JAKMIP2: variants seen among roughly 807,000 people sequenced by gnomAD.
JAKMIP2 encodes janus kinase and microtubule interacting protein 2, also known as janus kinase and microtubule-interacting protein 2.
JAKMIP2 carries 25 observed loss-of-function variants against 115.0 expected under a neutral mutation model. The ratio of observed to expected loss-of-function variants is 0.22; its 90% CI spans 0.16 to 0.30. JAKMIP2 has a LOEUF of 0.30. Among genes scored for constraint, JAKMIP2 ranks in the 10% least tolerant of loss-of-function variants. The pLI is 1.00. For synonymous variants in JAKMIP2, 334 were observed against 343.6 expected (o/e 0.97, Z 0.31); for missense variants, 642 against 957.6 (o/e 0.67, Z 4.35).
At chr5:147,628,615 T>C in intron 16 of JAKMIP2, 136 bp downstream of exon 16, 2 of 576,774 alleles carry the variant, frequency 3.5e-6, no homozygotes, top group South Asian at 3.3e-5. Flanking sequence ...TGGGTTGTAC[T>C]ACCCTTAAAA....
intron 1 of JAKMIP2, among the ~76,000 whole-genome samples, chr5:147,781,732 A>G (rs1755764087): frequency 6.6e-6 from 1 of 152,222 alleles, no homozygotes; most frequent in African/African-American, 2.4e-5. Context: ...ATAGTTTCAA[A>G]AACATGCAAT....
chr5:147,648,501 T>C (rs1303442572), intron 4 of JAKMIP2, 27 bp from the exon 5 acceptor site: 1 of 1,243,060 alleles, frequency 8.0e-7, no homozygotes, highest in South Asian at 1.2e-5. Flanking sequence ...AAATGGGTAT[T>C]TCTTCAACAA....
intron 1 of JAKMIP2, among the ~76,000 whole-genome samples, chr5:147,713,795 T>C (rs886533863): frequency 2.0e-5 from 3 of 152,110 alleles, no homozygotes; most frequent in African/African-American, 4.8e-5. Flanking sequence ...TAGATGGAAA[T>C]AGCTGGTGTC....
chr5:147,654,260 G>A (rs954046928), intron 3 of JAKMIP2, among the ~76,000 whole-genome samples: 2 of 151,582 alleles, frequency 1.3e-5, no homozygotes, highest in African/African-American at 4.9e-5. Flanking sequence ...GAATGTCAAT[G>A]GTAGTTTGAT....
chr5:147,670,628 T>C (rs1309605579), intron 2 of JAKMIP2, among the ~76,000 whole-genome samples: 1 of 151,514 alleles, frequency 6.6e-6, no homozygotes, highest in Non-Finnish European at 1.5e-5. Context: ...ATACTAATAT[T>C]ATAATGTTTT....
chr5:147,758,184 TA>T (rs1486951154), intron 1 of JAKMIP2, among the ~76,000 whole-genome samples: 3 of 152,142 alleles, frequency 2.0e-5, no homozygotes, highest in Admixed American at 6.6e-5. Flanking sequence ...AATACTACAG[TA>T]ATCAGAATAT....
intron 1 of JAKMIP2, among the ~76,000 whole-genome samples, chr5:147,778,713 G>T (rs1755653493): frequency 1.3e-5 from 2 of 151,912 alleles, no homozygotes; most frequent in Admixed American, 6.6e-5. Flanking sequence ...AAAAATGACA[G>T]AATCATAAAA....
chr5:147,667,694 T>A (rs947594285), intron 2 of JAKMIP2, among the ~76,000 whole-genome samples: 1 of 152,192 alleles, frequency 6.6e-6, no homozygotes, highest in African/African-American at 2.4e-5. Context: ...TATACAACCT[T>A]ACACAATCCA....
intron 1 of JAKMIP2, among the ~76,000 whole-genome samples, chr5:147,760,969 C>T (rs1283404661): frequency 6.6e-6 from 1 of 151,968 alleles, no homozygotes; most frequent in Non-Finnish European, 1.5e-5. Flanking sequence ...GTTCCTATAC[C>T]AAGACACATT....
In JAKMIP2 at chr5:147,699,665, C is replaced by A. The variant is rs1332109946; in HGVS notation, c.-148-27711G>T. 2.6e-5 allele frequency among the ~76,000 whole-genome samples: 4 copies of A among 152,082 alleles called. No individual in the cohort carries two copies. In the East Asian group the frequency reaches 7.7e-4, roughly 29 times the overall value. The stretch of plus-strand genomic sequence containing the variant: ...ATTAACAACAATAGCAAAAGCCAAT[C>A]GCAGAACAAAAATAGAATTCCAGAA... On this transcript the variant is annotated intron_variant, in intron 1 of 21. Transcript: ENST00000616793.
At chr5:147,675,864 G>A (rs1329549315) in intron 1 of JAKMIP2, among the ~76,000 whole-genome samples, 1 of 147,456 alleles carries the variant, frequency 6.8e-6, no homozygotes, top group African/African-American at 2.5e-5. Context: ...GTTGTAGCAT[G>A]GATTGATACT....
At chr5:147,620,790 A>G (rs1048017589) in intron 17 of JAKMIP2, 47 bp from the exon 18 acceptor site, 2 of 1,323,752 alleles carry the variant, frequency 1.5e-6, no homozygotes, top group South Asian at 2.4e-5. Context: ...TTAACTAGAA[A>G]GTGACGTACA....
intron 1 of JAKMIP2, among the ~76,000 whole-genome samples, chr5:147,742,163 T>TTTTTTTTTA (rs1413650418): frequency 1.3e-4 from 12 of 90,640 alleles, no homozygotes; most frequent in African/African-American, 7.0e-4. Context: ...ATATTTTTTT[T>TTTTTTTTTA]ACTATTGTAT....
intron 16 of JAKMIP2, among the ~76,000 whole-genome samples, chr5:147,627,274 G>C (rs1757137457): frequency 6.6e-6 from 1 of 152,226 alleles, no homozygotes; most frequent in Middle Eastern, 3.4e-3. Flanking sequence ...TGGATGAACA[G>C]GCAGGCCTCC....
chr5:147,680,942 T>C (rs1334243517), intron 1 of JAKMIP2, among the ~76,000 whole-genome samples: 1 of 152,198 alleles, frequency 6.6e-6, no homozygotes, highest in Non-Finnish European at 1.5e-5. Flanking sequence ...GTAGCAATTT[T>C]GCATCTTTTG....
chr5:147,657,895 C>T (rs541761183), intron 3 of JAKMIP2, among the ~76,000 whole-genome samples: 10 of 152,074 alleles, frequency 6.6e-5, no homozygotes, highest in Admixed American at 2.6e-4. Flanking sequence ...TTCTAGTTAG[C>T]GGTTCCTGTA....
chr5:147,701,682 G>A (rs189004774), intron 1 of JAKMIP2, among the ~76,000 whole-genome samples: 132 of 152,204 alleles, frequency 8.7e-4, no homozygotes, highest in African/African-American at 3.1e-3. Context: ...ATTTGAATAG[G>A]CAATGCAACA....
intron 1 of JAKMIP2, among the ~76,000 whole-genome samples, chr5:147,701,102 C>T (rs549512738): frequency 6.6e-6 from 1 of 151,900 alleles, no homozygotes; most frequent in Non-Finnish European, 1.5e-5. Flanking sequence ...ATGCTGAAGA[C>T]CAATGCCATA....
In JAKMIP2 at chr5:147,631,442, G is replaced by C; in HGVS notation, c.1846C>G (p.Gln616Glu). The change falls in exon 14 of 22, where the codon CAG becomes GAG. Residue 616 changes from glutamine (Q) to glutamate (E), a missense_variant. By Grantham distance (29) the Gln-to-Glu change is conservative. Coordinates refer to ENST00000616793, the MANE Select transcript of JAKMIP2 (RefSeq NM_001270941.2). ...HPFSDGVSALQIYCMKEGVKD... is the reference protein window; with the variant it reads ...HPFSDGVSALEIYCMKEGVKD... ...ACACCTTCTTTCATACAGTAGATCT[G>C]TAGAGCACTCACACCATCTGAGAAT... 1 of 1,610,474 alleles carries C rather than the reference G, an allele frequency of 6.2e-7. No homozygotes were observed. The highest frequency in any genetic ancestry group is 8.5e-7 in the Non-Finnish European group (1 of 1,176,938).
Sources: allele counts gnomAD v4.1 joint callset (sites outside exome capture counted in the v4.1 genomes callset), GRCh38; gene constraint gnomAD v4.1.1; transcripts MANE v1.5; gene names NCBI Gene and HGNC (gene_info 2026-07-23, HGNC 2026-07-21).